YEATS2: variants seen among roughly 807,000 people sequenced by gnomAD.
YEATS2 encodes the protein YEATS domain containing 2, also known as YEATS domain-containing protein 2.
A neutral mutation model predicts 163.2 loss-of-function variants in YEATS2; 77 were observed. The observed-to-expected ratio is 0.47, with a 90% CI of 0.39 to 0.57. The LOEUF is 0.57. YEATS2 is among the 20% of genes least tolerant of loss of function. The pLI is 0.00. For missense variants in YEATS2, 1,549 were observed against 1,729.8 expected, an observed-to-expected ratio of 0.90 and a Z score of 1.85; for synonymous variants, 631 against 645.1, an observed-to-expected ratio of 0.98 and a Z score of 0.33.
chr3:183,746,668 T>TA lies in YEATS2; in HGVS notation c.925-1004_925-1003insA, dbSNP rs1232067653. 8.2e-4 allele frequency among the ~76,000 whole-genome samples: 124 copies of TA among 152,050 alleles called. 1 individual carries two copies. The highest frequency in any genetic ancestry group is 1.7e-3 in the Admixed American group (26 of 15,252). On this transcript the variant is annotated intron_variant, in intron 8 of 30. Coordinates refer to ENST00000305135, the MANE Select transcript of YEATS2 (RefSeq NM_018023.5). ...TAACCTAAAATTACCTTTTTTTTTT[T>TA]TTTTTAGCAGTCATACTGTTAGCTA...
intron 16 of YEATS2, among the ~76,000 whole-genome samples, chr3:183,772,934 T>C (rs1159806462): frequency 6.6e-6 from 1 of 152,210 alleles, no homozygotes; most frequent in Non-Finnish European, 1.5e-5. Context: ...GTACATCCTC[T>C]GATGTACTTT....
At chr3:183,758,175 T>C (rs922989254) in intron 12 of YEATS2, among the ~76,000 whole-genome samples, 1 of 152,128 alleles carries the variant, frequency 6.6e-6, no homozygotes, top group Non-Finnish European at 1.5e-5. Flanking sequence ...CTGGCTAACA[T>C]GGCGAAACCC....
In YEATS2 at chr3:183,709,827, G is replaced by A. The variant is rs573990663; in HGVS notation, c.-19-5317G>A. Among the ~76,000 whole-genome samples, 11 of 151,778 alleles carry A rather than the reference G, an allele frequency of 7.2e-5. No homozygotes were observed. The South Asian group carries it at 8.3e-4, about 11-fold the overall frequency. On this transcript the variant is annotated intron_variant, in intron 1 of 30. Transcript: ENST00000305135. ...GGAGTAGCTAGGACTACAGGTGCCC[G>A]CCACCACGCCCGGCTAATTTTTTGT...
chr3:183,793,202 A>T, intron 21 of YEATS2: 1 of 1,272,368 alleles, frequency 7.9e-7, no homozygotes, highest in East Asian at 5.6e-5. Context: ...ACGCATGCAG[A>T]CAACACCCCT....
chr3:183,780,499 G>C (rs1723466142), intron 19 of YEATS2, among the ~76,000 whole-genome samples: 2 of 152,076 alleles, frequency 1.3e-5, no homozygotes, highest in South Asian at 4.2e-4. Context: ...TCCACTATTG[G>C]GCTCCTCAAC....
chr3:183,738,902 C>T (rs1314273293), intron 8 of YEATS2, among the ~76,000 whole-genome samples: 3 of 144,764 alleles, frequency 2.1e-5, no homozygotes, highest in Non-Finnish European at 4.5e-5. Context: ...ATTTATAGTC[C>T]TTTGGGTATA....
chr3:183,725,947 C>T (rs1717048014), intron 6 of YEATS2, among the ~76,000 whole-genome samples: 1 of 152,094 alleles, frequency 6.6e-6, no homozygotes, highest in African/African-American at 2.4e-5. Flanking sequence ...TAAGGCAAAC[C>T]AGAGAGGTTT....
intron 1 of YEATS2, among the ~76,000 whole-genome samples, chr3:183,702,990 T>C (rs1006948884): frequency 6.6e-6 from 1 of 152,214 alleles, no homozygotes; most frequent in African/African-American, 2.4e-5. Context: ...CTGGCCAGAA[T>C]GGATTCTGGG....
chr3:183,785,981 T>C, intron 19 of YEATS2, 144 bp from the exon 20 acceptor site: 1 of 847,790 alleles, frequency 1.2e-6, no homozygotes, highest in East Asian at 2.7e-5. Flanking sequence ...TAGAAAGGTG[T>C]GTAAACACCT....
chr3:183,765,737 A>C (rs1721838967), intron 15 of YEATS2, among the ~76,000 whole-genome samples: 1 of 152,136 alleles, frequency 6.6e-6, no homozygotes, highest in Non-Finnish European at 1.5e-5. Flanking sequence ...ACCTGAGGTC[A>C]GGAGTTCGAG....
intron 7 of YEATS2, among the ~76,000 whole-genome samples, chr3:183,732,311 T>C (rs1329282969): frequency 6.6e-6 from 1 of 151,444 alleles, no homozygotes; most frequent in Non-Finnish European, 1.5e-5. Context: ...AAATTAGCCA[T>C]GCCCGGTGGC....
intron 7 of YEATS2, among the ~76,000 whole-genome samples, chr3:183,734,928 T>G (rs1718181885): frequency 6.6e-6 from 1 of 152,230 alleles, no homozygotes. Context: ...GGCAGTCCTT[T>G]ATTGTGTGAA....
chr3:183,725,041 CTTT>C (rs62826962), intron 6 of YEATS2, among the ~76,000 whole-genome samples: 142 of 87,520 alleles, frequency 1.6e-3, no homozygotes, highest in African/African-American at 5.0e-3. Context: ...CCGTGCCGGC[CTTT>C]TTTTTTTTTT....
intron 1 of YEATS2, among the ~76,000 whole-genome samples, chr3:183,713,910 A>G (rs1054324954): frequency 2.6e-5 from 4 of 151,966 alleles, no homozygotes; most frequent in Non-Finnish European, 4.4e-5. Context: ...GGTTCAAGCA[A>G]TTCTCCTGCC....
At position 183,798,900 on chromosome 3, in the gene YEATS2, C is replaced by G; in HGVS notation, c.3236C>G (p.Ser1079Ter). The change falls in exon 23 of 31, where the codon TCA (serine) becomes TGA (stop). Residue 1079 changes from serine to a stop codon, truncating the protein, a stop_gained. Coordinates refer to ENST00000305135, the MANE Select transcript of YEATS2 (RefSeq NM_018023.5). LOFTEE classifies it high-confidence loss of function. ...ILMPVNKVVQSFSTSKPPAIL... is the reference protein window; with the variant it reads ...ILMPVNKVVQ ...CCTTTTTTCCCTTTAGTGGTTCAGT[C>G]ATTTTCTACCAGCAAGCCACCTGCC... 1 of 1,613,514 alleles carries G rather than the reference C, an allele frequency of 6.2e-7. No homozygotes were observed. The highest frequency in any genetic ancestry group is 8.5e-7 in the Non-Finnish European group (1 of 1,179,510).
intron 4 of YEATS2, among the ~76,000 whole-genome samples, chr3:183,719,375 G>T (rs1360996348): frequency 1.3e-5 from 2 of 152,106 alleles, no homozygotes; most frequent in East Asian, 3.9e-4. Flanking sequence ...AACTTCATGT[G>T]ATCTGCCTGC....
At position 183,811,229 on chromosome 3, in the gene YEATS2, G is replaced by A. The variant is rs1726767998; in HGVS notation, c.*646G>A. ...GAACCATTGTCAAAGCAGTGGCAAGGGACGGAGAGGTCCCAACAGGAGTCA... is the reference window on the plus strand; with the variant it reads ...GAACCATTGTCAAAGCAGTGGCAAGAGACGGAGAGGTCCCAACAGGAGTCA... On this transcript the variant is annotated 3_prime_UTR_variant, in exon 31 of 31. Coordinates refer to ENST00000305135, the MANE Select transcript of YEATS2 (RefSeq NM_018023.5). 1 of 152,972 alleles carries A rather than the reference G, an allele frequency of 6.5e-6. No individual in the cohort carries two copies. The highest frequency in any genetic ancestry group is 2.4e-5 in the African/African-American group (1 of 41,456). The allele number at this position is 152,972 out of a possible 1,614,324, so 9.5% of individuals were successfully genotyped here.
chr3:183,751,278 C>A (rs1235869631), intron 9 of YEATS2, among the ~76,000 whole-genome samples: 1 of 152,134 alleles, frequency 6.6e-6, no homozygotes, highest in African/African-American at 2.4e-5. Flanking sequence ...TTATTCTGTT[C>A]CATTGGTCTG....
intron 19 of YEATS2, among the ~76,000 whole-genome samples, chr3:183,778,271 T>TA (rs970255221): frequency 5.2e-4 from 79 of 152,184 alleles, no homozygotes; most frequent in African/African-American, 1.9e-3. Context: ...CTTGCACAGT[T>TA]AAAAAAATCA....
Sources: allele counts gnomAD v4.1 joint callset (sites outside exome capture counted in the v4.1 genomes callset), GRCh38; gene constraint gnomAD v4.1.1; transcripts MANE v1.5; gene names NCBI Gene and HGNC (gene_info 2026-07-23, HGNC 2026-07-21).